AMPH: variants seen among roughly 807,000 people sequenced by gnomAD.
The protein encoded by AMPH is amphiphysin.
AMPH carries 49 observed loss-of-function variants against 99.1 expected under a neutral mutation model. The observed-to-expected ratio is 0.49, with a 90% CI of 0.39 to 0.63. AMPH has a LOEUF of 0.63. Ranked by LOEUF, AMPH falls within the 20% of genes least tolerant of loss-of-function variation. The probability of loss-of-function intolerance (pLI) is 0.00; values close to 1 mark genes in which losing one functional copy is unlikely to be tolerated. For missense variants in AMPH, 759 were observed against 863.4 expected (o/e 0.88, Z 1.52); for synonymous variants, 314 against 317.3 (o/e 0.99, Z 0.11).
At chr7:38,418,512 G>T (rs937534421) in intron 16 of AMPH, among the ~76,000 whole-genome samples, 5 of 152,184 alleles carry the variant, frequency 3.3e-5, no homozygotes, top group African/African-American at 1.2e-4. Context: ...AGACTAAAAT[G>T]CATTCATTTG....
chr7:38,439,811 C>T (rs1043503909), intron 11 of AMPH, among the ~76,000 whole-genome samples: 4 of 152,110 alleles, frequency 2.6e-5, no homozygotes, highest in African/African-American at 4.8e-5. Context: ...GAGGTGTCTT[C>T]TACTTGGGAC....
At chr7:38,475,741 C>T (rs75293107) in intron 6 of AMPH, among the ~76,000 whole-genome samples, 1 of 152,044 alleles carries the variant, frequency 6.6e-6, no homozygotes, top group Non-Finnish European at 1.5e-5. Context: ...AATTCCCAGC[C>T]TAGTGGAAAG....
intron 2 of AMPH, 119 bp downstream of exon 2, chr7:38,534,812 C>G: frequency 1.2e-6 from 1 of 802,566 alleles, no homozygotes; most frequent in South Asian, 1.8e-5. Context: ...AAGTGTTACT[C>G]TCAAGTTAGT....
chr7:38,476,322 T>C (rs1788084335), intron 6 of AMPH, among the ~76,000 whole-genome samples: 1 of 152,148 alleles, frequency 6.6e-6, no homozygotes, highest in Non-Finnish European at 1.5e-5. Flanking sequence ...AGAAAGACCA[T>C]TCAGGCAGCT....
rs1195215478 is a variant in AMPH, at chr7:38,384,140, G to C, written c.*678C>G. On this transcript the variant is annotated 3_prime_UTR_variant, in exon 21 of 21. Transcript: ENST00000356264. Reference sequence around the variant, plus strand: ...AATGGGATGGCTGGTTTTGCCATTAGGCAAAACTGCAATTGTAATGCCAGA... The same window carrying C: ...AATGGGATGGCTGGTTTTGCCATTACGCAAAACTGCAATTGTAATGCCAGA... 2 of 152,292 alleles carry C rather than the reference G, an allele frequency of 1.3e-5. No homozygotes were observed. The highest frequency in any genetic ancestry group is 4.1e-4 in the South Asian group (2 of 4,832). 9.4% of individuals were successfully genotyped at this position (152,292 alleles called of 1,614,324 possible).
chr7:38,416,761 C>T (rs866360586), intron 17 of AMPH, among the ~76,000 whole-genome samples: 1 of 152,048 alleles, frequency 6.6e-6, no homozygotes, highest in Admixed American at 6.5e-5. Context: ...TGGGAGTGGC[C>T]CTGGACACAG....
chr7:38,394,057 C>A lies in AMPH; in HGVS notation c.1556G>T (p.Gly519Val), dbSNP rs935875007. 8 of 1,614,068 alleles carry A rather than the reference C, an allele frequency of 5.0e-6. No homozygotes were observed. Among genetic ancestry groups the A allele is most frequent in the South Asian group, 3.3e-5 (3 of 91,088 alleles). ...EAKIGTETTEGAESAQPEAEE... is the reference protein window; with the variant it reads ...EAKIGTETTEVAESAQPEAEE... Reference sequence around the variant, plus strand: ...TGCTTCAGGTTGGGCACTCTCTGCACCCTCAGTGGTTTCAGTTCCAATTTT... The same window carrying A: ...TGCTTCAGGTTGGGCACTCTCTGCAACCTCAGTGGTTTCAGTTCCAATTTT... The change falls in exon 18 of 21, where the codon GGT (glycine) becomes GTT (valine). Residue 519 changes from glycine (G) to valine (V), a missense_variant. Physicochemically the swap from Gly to Val is moderately radical, Grantham distance 109 (BLOSUM62 -3). Transcript: ENST00000356264.
chr7:38,522,204 C>T (rs1789991285), intron 2 of AMPH, among the ~76,000 whole-genome samples: 1 of 152,154 alleles, frequency 6.6e-6, no homozygotes, highest in South Asian at 2.1e-4. Flanking sequence ...CCTATTAAAG[C>T]CTAAAAAGCA....
At chr7:38,462,355 A>G (rs1212448151) in intron 10 of AMPH, among the ~76,000 whole-genome samples, 1 of 152,222 alleles carries the variant, frequency 6.6e-6, no homozygotes, top group Non-Finnish European at 1.5e-5. Flanking sequence ...CAGCATCTGT[A>G]CAAGAAAGCT....
At chr7:38,429,505 C>G in intron 14 of AMPH, 2 of 1,353,788 alleles carry the variant, frequency 1.5e-6, no homozygotes, top group Non-Finnish European at 9.7e-7. Context: ...CTTTGAATTT[C>G]TTCGGCCAAC....
At chr7:38,525,203 A>G (rs1790119013) in intron 2 of AMPH, among the ~76,000 whole-genome samples, 1 of 149,098 alleles carries the variant, frequency 6.7e-6, no homozygotes, top group African/African-American at 2.5e-5. Flanking sequence ...AATCTTATAT[A>G]TCATCTATTA....
At chr7:38,603,448 C>T (rs1793325148) in intron 1 of AMPH, among the ~76,000 whole-genome samples, 1 of 152,120 alleles carries the variant, frequency 6.6e-6, no homozygotes, top group Non-Finnish European at 1.5e-5. Context: ...GCTACATGAA[C>T]CAGCTTTGAA....
At chr7:38,433,195 A>T (rs1167065746) in intron 12 of AMPH, among the ~76,000 whole-genome samples, 1 of 152,212 alleles carries the variant, frequency 6.6e-6, no homozygotes, top group Non-Finnish European at 1.5e-5. Flanking sequence ...TATAGAAAGC[A>T]GGCCCTGTGG....
intron 7 of AMPH, among the ~76,000 whole-genome samples, chr7:38,473,136 T>C (rs965396962): frequency 3.3e-5 from 5 of 152,212 alleles, no homozygotes; most frequent in Non-Finnish European, 4.4e-5. Flanking sequence ...TATCTCATAA[T>C]TGAAAGCCTT....
chr7:38,503,512 G>A, intron 3 of AMPH, 138 bp downstream of exon 3: 1 of 625,146 alleles, frequency 1.6e-6, no homozygotes, highest in Non-Finnish European at 2.7e-6. Flanking sequence ...GTGGGTGGTG[G>A]AATGGAACAC....
intron 12 of AMPH, among the ~76,000 whole-genome samples, chr7:38,432,486 C>A (rs78181305): frequency 0.026 from 3,945 of 152,030 alleles, 181 homozygotes; most frequent in African/African-American, 0.09. Context: ...TTAATATAAG[C>A]TTAAATGGCA....
rs186815542 is a variant in AMPH, at chr7:38,393,135, G to A, written c.1608+870C>T. Reference sequence around the variant, plus strand: ...CATACACAAAAACACTCTGGGCACTGTGATGAGAAAATCTAAGGGGAAAAA... The same window carrying A: ...CATACACAAAAACACTCTGGGCACTATGATGAGAAAATCTAAGGGGAAAAA... On this transcript the variant is annotated intron_variant, in intron 18 of 20. Transcript: ENST00000356264. Among the ~76,000 whole-genome samples, 11 of 152,244 alleles carry A rather than the reference G, an allele frequency of 7.2e-5. No individual in the cohort carries two copies. In the East Asian group the frequency reaches 2.1e-3, roughly 29 times the overall value.
chr7:38,398,911 G>A (rs897792337), intron 17 of AMPH, among the ~76,000 whole-genome samples: 25 of 152,132 alleles, frequency 1.6e-4, no homozygotes, highest in Non-Finnish European at 2.4e-4. Flanking sequence ...AGCAGGTGGC[G>A]GCCAAAGGCT....
chr7:38,458,993 C>A (rs1411250574), intron 11 of AMPH, among the ~76,000 whole-genome samples: 4 of 151,888 alleles, frequency 2.6e-5, no homozygotes, highest in Admixed American at 2.6e-4. Flanking sequence ...CAAAAAAAAC[C>A]TCCTAAATTT....
Sources: allele counts gnomAD v4.1 joint callset (sites outside exome capture counted in the v4.1 genomes callset), GRCh38; gene constraint gnomAD v4.1.1; transcripts MANE v1.5; gene names NCBI Gene and HGNC (gene_info 2026-07-23, HGNC 2026-07-21).